Variants in TRDN observed in about 807,000 individuals in gnomAD.
TRDN encodes the protein triadin.
TRDN carries 161 observed loss-of-function variants against 149.7 expected under a neutral mutation model. The ratio of observed to expected loss-of-function variants is 1.08; its 90% CI spans 0.95 to 1.23. The LOEUF (loss-of-function observed/expected upper bound fraction) is 1.23, where lower values mean the gene tolerates loss of function less well. Among genes scored for constraint, TRDN ranks in the 50% most tolerant of loss-of-function variants. The pLI is 0.00. For missense variants in TRDN, 896 were observed against 823.5 expected (o/e 1.09, Z -1.08); for synonymous variants, 294 against 250.5 (o/e 1.17, Z -1.64).
intron 12 of TRDN, among the ~76,000 whole-genome samples, chr6:123,395,512 C>A (rs1772684953): frequency 6.6e-6 from 1 of 152,240 alleles, no homozygotes; most frequent in East Asian, 1.9e-4. Flanking sequence ...GGGCTGTGTG[C>A]ACATAGATTG....
At chr6:123,589,867 C>T (rs573374625) in intron 1 of TRDN, among the ~76,000 whole-genome samples, 1 of 152,100 alleles carries the variant, frequency 6.6e-6, no homozygotes, top group African/African-American at 2.4e-5. Context: ...TATGGAAGTG[C>T]AAGAACTAAG....
intron 24 of TRDN, among the ~76,000 whole-genome samples, chr6:123,294,187 G>A (rs1778109063): frequency 1.3e-5 from 2 of 152,024 alleles, no homozygotes; most frequent in African/African-American, 4.8e-5. Context: ...TAACAACCGT[G>A]GACAAGTTGA....
chr6:123,282,601 G>A (rs947726066), intron 24 of TRDN, among the ~76,000 whole-genome samples: 3 of 151,800 alleles, frequency 2.0e-5, no homozygotes, highest in African/African-American at 7.2e-5. Context: ...TATATATTAT[G>A]TGGTTTAGAA....
chr6:123,244,894 C>T (rs977383517), intron 38 of TRDN, among the ~76,000 whole-genome samples: 1 of 152,216 alleles, frequency 6.6e-6, no homozygotes, highest in African/African-American at 2.4e-5. Flanking sequence ...AACAGCAGAT[C>T]TCTCTGCAGA....
chr6:123,325,390 A>G (rs1324003149), intron 23 of TRDN, among the ~76,000 whole-genome samples: 1 of 152,124 alleles, frequency 6.6e-6, no homozygotes, highest in East Asian at 1.9e-4. Flanking sequence ...TAAAATACTA[A>G]TGTTGATTAC....
intron 8 of TRDN, chr6:123,502,069 T>C (rs1778724180): frequency 5.1e-6 from 5 of 983,780 alleles, no homozygotes; most frequent in Non-Finnish European, 6.0e-6. Flanking sequence ...TTTTACACTC[T>C]GTATTTATGG....
At chr6:123,600,234 A>G (rs1784219750) in intron 1 of TRDN, among the ~76,000 whole-genome samples, 1 of 152,012 alleles carries the variant, frequency 6.6e-6, no homozygotes. Flanking sequence ...CATGTTTTGT[A>G]TCTGAACCTG....
At chr6:123,352,053 GTCATAATATAGTATAT>G in intron 21 of TRDN, 1 of 976,878 alleles carries the variant, frequency 1.0e-6, no homozygotes, top group Non-Finnish European at 1.2e-6. Flanking sequence ...AATGGTTGAA[GTCATAATATAGTATAT>G]ATCATAATAT....
chr6:123,221,341 A>G (rs1370729259), intron 40 of TRDN, 146 bp downstream of exon 40: 2 of 426,270 alleles, frequency 4.7e-6, no homozygotes, highest in East Asian at 3.7e-5. Flanking sequence ...TAAAATATAA[A>G]TGACCTACTT....
chr6:123,416,698 C>CTTTTTTTTTTTTT (rs139842688), intron 12 of TRDN, among the ~76,000 whole-genome samples: 2 of 146,270 alleles, frequency 1.4e-5, no homozygotes, highest in African/African-American at 2.5e-5. Context: ...TTCTTTTCCT[C>CTTTTTTTTTTTTT]TTTTTTTCTT....
chr6:123,432,735 T>C (rs1012633880), intron 12 of TRDN, among the ~76,000 whole-genome samples: 1 of 149,884 alleles, frequency 6.7e-6, no homozygotes, highest in African/African-American at 2.5e-5. Flanking sequence ...TTGTGTCTTC[T>C]GCCCTCGTAA....
intron 6 of TRDN, among the ~76,000 whole-genome samples, chr6:123,513,341 A>G (rs1431870633): frequency 6.6e-6 from 1 of 152,230 alleles, no homozygotes; most frequent in Non-Finnish European, 1.5e-5. Context: ...CATAAGGTAA[A>G]TAAAAGAGCA....
chr6:123,498,319 A>T, intron 8 of TRDN: 2 of 276,990 alleles, frequency 7.2e-6, no homozygotes, highest in Non-Finnish European at 1.5e-5. Flanking sequence ...ATTTTTGTAA[A>T]TCTCGTTCTT....
chr6:123,548,112 T>G (rs1410551937), intron 3 of TRDN, among the ~76,000 whole-genome samples: 5 of 151,960 alleles, frequency 3.3e-5, no homozygotes, highest in African/African-American at 1.2e-4. Flanking sequence ...GAGATAAACT[T>G]GAAAAATAAC....
intron 2 of TRDN, among the ~76,000 whole-genome samples, chr6:123,568,899 C>T (rs1441744294): frequency 1.3e-5 from 2 of 152,208 alleles, no homozygotes; most frequent in Non-Finnish European, 2.9e-5. Context: ...GCAAATTTCT[C>T]TAGCAAGTGG....
chr6:123,488,226 G>A (rs79528752), intron 9 of TRDN, among the ~76,000 whole-genome samples: 2,220 of 152,118 alleles, frequency 0.015, 62 homozygotes, highest in African/African-American at 0.05. Context: ...AATTATCATT[G>A]CACTATATAG....
chr6:123,288,239 A>G (rs1024457663), intron 24 of TRDN, among the ~76,000 whole-genome samples: 1 of 152,094 alleles, frequency 6.6e-6, no homozygotes, highest in Non-Finnish European at 1.5e-5. Context: ...CATAAAATCA[A>G]CTCAAAATTG....
intron 23 of TRDN, among the ~76,000 whole-genome samples, chr6:123,329,082 G>A (rs533797868): frequency 6.6e-6 from 1 of 152,170 alleles, no homozygotes; most frequent in African/African-American, 2.4e-5. Flanking sequence ...CATATTCCTG[G>A]AAAATGAGAG....
At chr6:123,273,033 T>G in intron 28 of TRDN, 22 bp from the exon 29 acceptor site, 1 of 1,460,268 alleles carries the variant, frequency 6.8e-7, no homozygotes, top group Non-Finnish European at 9.1e-7. Flanking sequence ...AAAAAGAAAA[T>G]CTTTTTTAGG....
Sources: gnomAD v4.1 joint callset for allele counts (sites outside exome capture counted in the v4.1 genomes callset) on GRCh38, gnomAD v4.1.1 for gene constraint, MANE v1.5 for transcripts, NCBI Gene and HGNC (gene_info 2026-07-23, HGNC 2026-07-21) for gene names.